HIVEP1: variants seen among roughly 807,000 people sequenced by gnomAD.
The protein encoded by HIVEP1 is zinc finger protein 40.
HIVEP1 carries 36 observed loss-of-function variants against 180.0 expected under a neutral mutation model. The observed-to-expected ratio is 0.20, with a 90% CI of 0.15 to 0.26. The LOEUF (loss-of-function observed/expected upper bound fraction) is 0.26, where lower values mean the gene tolerates loss of function less well. Among genes scored for constraint, HIVEP1 ranks in the 10% least tolerant of loss-of-function variants. The pLI, the probability that HIVEP1 is intolerant of heterozygous loss-of-function variation, is 1.00. For synonymous variants in HIVEP1, 1,239 were observed against 1,239.0 expected, an observed-to-expected ratio of 1.00 and a Z score of 0.00; for missense variants, 3,143 against 3,268.7, an observed-to-expected ratio of 0.96 and a Z score of 0.94.
At chr6:12,011,543 TCCCGCCCCCCGCGTCCCTAAC>T (rs1484828476), upstream of HIVEP1, among the ~76,000 whole-genome samples, 1 of 141,980 alleles carries the variant, frequency 7.0e-6, no homozygotes, top group African/African-American at 2.6e-5. Context: ...GACCCAGGGC[TCCCGCCCCCCGCGTCCCTAAC>T]CCCGCCCCTC....
At chr6:12,033,439 A>G (rs926923961) in intron 2 of HIVEP1, among the ~76,000 whole-genome samples, 1 of 152,140 alleles carries the variant, frequency 6.6e-6, no homozygotes, top group African/African-American at 2.4e-5. Flanking sequence ...GGGGCAAAGC[A>G]AGGTCTCTAA....
Position 12,161,774 on chromosome 6 carries a change from G to A in HIVEP1, c.6823G>A (p.Gly2275Arg). The change falls in exon 8 of 9, where the codon GGG becomes AGG. Residue 2275 changes from glycine (G) to arginine (R), a missense_variant. By Grantham distance (125) the Gly-to-Arg change is moderately radical (BLOSUM62 -2). Coordinates refer to ENST00000379388, the MANE Select transcript of HIVEP1 (RefSeq NM_002114.4). ...SDYNRKTLSP[G>R]KARQRAARDE... ...CTACAATAGGAAGACACTCTCTCCG[G>A]GGAAGGCCAGGCAGCGTGCTGCGAG... The A allele has an allele frequency of 1.2e-6, 2 of 1,614,154 alleles. No individual in the cohort carries two copies. The highest frequency in any genetic ancestry group is 1.7e-6 in the Non-Finnish European group (2 of 1,180,014).
intron 2 of HIVEP1, among the ~76,000 whole-genome samples, chr6:12,064,329 GTTTC>G (rs1256426454): frequency 1.3e-5 from 2 of 152,100 alleles, no homozygotes; most frequent in East Asian, 1.9e-4. Context: ...ACCAGATGAA[GTTTC>G]TTTCTTTCTC....
intron 1 of HIVEP1, among the ~76,000 whole-genome samples, chr6:12,014,032 T>C (rs953968390): frequency 1.3e-5 from 2 of 152,240 alleles, no homozygotes; most frequent in Non-Finnish European, 2.9e-5. Flanking sequence ...TTAAGGAGAA[T>C]TAATAGTTCA....
At position 12,120,486 on chromosome 6, in the gene HIVEP1, C is replaced by T. The variant is rs765310154; in HGVS notation, c.691C>T (p.Arg231Cys). 7 of 1,614,016 alleles carry T rather than the reference C, an allele frequency of 4.3e-6. No individual in the cohort carries two copies. Among genetic ancestry groups the T allele is most frequent in the East Asian group, 2.2e-5 (1 of 44,900 alleles). The change falls in exon 4 of 9, where the codon CGT (arginine) becomes TGT (cysteine). Residue 231 changes from arginine (R) to cysteine (C), a missense_variant. By Grantham distance (180) the Arg-to-Cys change is radical. Transcript: ENST00000379388. ...TEKLRPNKTA[R>C]SPPKLKNSSM... ...AAAACTGAGGCCAAATAAAACTGCA[C>T]GTTCCCCTCCCAAATTAAAAAACAG...
At chr6:12,033,934 G>T (rs1400793595) in intron 2 of HIVEP1, among the ~76,000 whole-genome samples, 2 of 152,162 alleles carry the variant, frequency 1.3e-5, no homozygotes, top group African/African-American at 2.4e-5. Flanking sequence ...AGGAAATCAG[G>T]ATTCAGGGCT....
At chr6:12,175,333 C>G in the HIVEP1 span, among the ~76,000 whole-genome samples, 1 of 152,100 alleles carries the variant, frequency 6.6e-6, no homozygotes, top group Non-Finnish European at 1.5e-5. Context: ...ATTTTCTGTG[C>G]TTCAGTTTTC....
chr6:12,022,260 C>A (rs1379514098), intron 2 of HIVEP1, among the ~76,000 whole-genome samples: 1 of 151,956 alleles, frequency 6.6e-6, no homozygotes, highest in Admixed American at 6.5e-5. Flanking sequence ...AACCTCCACT[C>A]TCCAGGTTCA....
chr6:12,073,688 A>G (rs1772140858), intron 2 of HIVEP1, among the ~76,000 whole-genome samples: 1 of 152,012 alleles, frequency 6.6e-6, no homozygotes, highest in Non-Finnish European at 1.5e-5. Context: ...CTACATTTTT[A>G]TTGTTATTAG....
chr6:12,007,803 A>C (rs947810117), upstream of HIVEP1: 2 of 151,656 alleles, frequency 1.3e-5, no homozygotes, highest in Non-Finnish European at 2.9e-5. Flanking sequence ...TCCTCTACTC[A>C]AGCAGAAGCC....
rs759780017 is a variant in HIVEP1, at chr6:12,121,542, C to G, written c.1747C>G (p.Pro583Ala). Residue 583 changes from proline to alanine, a missense_variant, in exon 4 of 9, where the codon CCC becomes GCC. Physicochemically the swap from Pro to Ala is conservative, Grantham distance 27 (BLOSUM62 -1). This residue lies in a region of HIVEP1 where 365 missense variants were observed against 344.4 expected (regional missense o/e 1.06). Transcript: ENST00000379388. This position sits in a 1 kb window ranked among gnomAD's most constrained non-coding sequence, Gnocchi z 5.3. Reference protein sequence around the residue: ...LRTDSPKAMDPKPELSSAQKQ... With the variant: ...LRTDSPKAMDAKPELSSAQKQ... Reference sequence around the variant, plus strand: ...AACTGACAGTCCAAAGGCCATGGATCCCAAGCCTGAACTTTCTAGTGCACA... The same window carrying G: ...AACTGACAGTCCAAAGGCCATGGATGCCAAGCCTGAACTTTCTAGTGCACA... 1 of 1,614,000 alleles carries G rather than the reference C, an allele frequency of 6.2e-7. No homozygotes were observed. Among genetic ancestry groups the G allele is most frequent in the Admixed American group, 1.7e-5 (1 of 59,996 alleles).
chr6:12,085,862 C>T (rs1405237486), intron 2 of HIVEP1, among the ~76,000 whole-genome samples: 1 of 152,110 alleles, frequency 6.6e-6, no homozygotes, highest in African/African-American at 2.4e-5. Context: ...CTTCCAGAAA[C>T]CCTAAAAGAA....
chr6:12,095,291 G>T (rs534036130), intron 3 of HIVEP1, among the ~76,000 whole-genome samples: 13 of 151,396 alleles, frequency 8.6e-5, no homozygotes, highest in Non-Finnish European at 1.6e-4. Context: ...TTTTCTTCAG[G>T]TTTGTTCTGT....
Position 12,122,984 on chromosome 6 carries a change from T to C in HIVEP1, c.3189T>C (p.Ala1063=). ...KSSEGLQFQN[A]LGCNPSLPKH... is the part of the protein sequence containing the mutation. Reference sequence around the variant, plus strand: ...CTGAAGGCCTTCAGTTTCAGAATGCTCTGGGCTGTAATCCCAGTTTGCCTA... The same window carrying C: ...CTGAAGGCCTTCAGTTTCAGAATGCCCTGGGCTGTAATCCCAGTTTGCCTA... Residue 1063 remains alanine (A), a synonymous_variant, in exon 4 of 9, where the codon GCT becomes GCC. Transcript: ENST00000379388. 1.2e-6 allele frequency: 2 copies of C among 1,614,116 alleles called. No homozygotes were observed. Among genetic ancestry groups the C allele is most frequent in the Non-Finnish European group, 8.5e-7 (1 of 1,179,964 alleles).
chr6:12,126,144 C>G (rs1455971435), intron 4 of HIVEP1, among the ~76,000 whole-genome samples: 1 of 152,164 alleles, frequency 6.6e-6, no homozygotes, highest in African/African-American at 2.4e-5. Context: ...TAAGTCTTTA[C>G]TTAGTAGTAC....
At chr6:12,038,548 T>G (rs1769449211) in intron 2 of HIVEP1, 1 of 152,414 alleles carries the variant, frequency 6.6e-6, no homozygotes, top group Non-Finnish European at 1.5e-5. Context: ...GGCATGCACT[T>G]GTAGTCCCAG....
chr6:12,189,905 G>T, the HIVEP1 span, among the ~76,000 whole-genome samples: 1 of 152,194 alleles, frequency 6.6e-6, no homozygotes, highest in African/African-American at 2.4e-5. Flanking sequence ...TGTAAGATAT[G>T]CCTTCAATGG....
chr6:12,059,835 T>C (rs1254941856), intron 2 of HIVEP1, among the ~76,000 whole-genome samples: 2 of 152,158 alleles, frequency 1.3e-5, no homozygotes, highest in East Asian at 3.9e-4. Flanking sequence ...CCCTAAACTG[T>C]AGGGTACGTA....
At position 12,123,947 on chromosome 6, in the gene HIVEP1, A is replaced by G. The variant is rs575036620; in HGVS notation, c.4152A>G (p.Arg1384=). ...TQTSMEVSDL[R]SKSFDCGSIT... ...CGTCAATGGAGGTCTCTGATCTCAGAAGCAAATCATTCGATTGTGGAAGCA... is the reference window on the plus strand; with the variant it reads ...CGTCAATGGAGGTCTCTGATCTCAGGAGCAAATCATTCGATTGTGGAAGCA... Residue 1384 remains arginine (R), a synonymous_variant, in exon 4 of 9, where the codon AGA becomes AGG. Transcript: ENST00000379388. 5.0e-6 allele frequency: 8 copies of G among 1,614,144 alleles called. No homozygotes were observed. In the South Asian group the frequency reaches 7.7e-5, roughly 16 times the overall value.
Sources: allele counts gnomAD v4.1 joint callset (sites outside exome capture counted in the v4.1 genomes callset), GRCh38; gene constraint gnomAD v4.1.1; regional missense constraint gnomAD v4.1.1; non-coding constraint Gnocchi (gnomAD v3.1); transcripts MANE v1.5; gene names NCBI Gene and HGNC (gene_info 2026-07-23, HGNC 2026-07-21).